The following STIM2 variants were observed in gnomAD, a reference collection of about 807,000 sequenced individuals.
STIM2 encodes stromal interaction molecule 2.
A neutral mutation model predicts 85.8 loss-of-function variants in STIM2; 31 were observed. The observed-to-expected ratio is 0.36, with a 90% CI of 0.27 to 0.49. The LOEUF is 0.49. STIM2 is among the 20% of genes least tolerant of loss of function. The pLI, the probability that STIM2 is intolerant of heterozygous loss-of-function variation, is 0.98. For synonymous variants in STIM2, 356 were observed against 331.1 expected, an observed-to-expected ratio of 1.08 and a Z score of -0.82; for missense variants, 841 against 927.6, an observed-to-expected ratio of 0.91 and a Z score of 1.21.
intron 1 of STIM2, among the ~76,000 whole-genome samples, chr4:26,888,419 T>C (rs979834957): frequency 6.6e-6 from 1 of 152,210 alleles, no homozygotes; most frequent in African/African-American, 2.4e-5. Flanking sequence ...TTAGCTATTA[T>C]TAATATATCT....
At chr4:27,000,722 A>G (rs1728122587) in intron 5 of STIM2, among the ~76,000 whole-genome samples, 1 of 152,186 alleles carries the variant, frequency 6.6e-6, no homozygotes, top group Admixed American at 6.6e-5. Flanking sequence ...TTGTCTTAGA[A>G]TGGTTGAGTG....
At chr4:26,897,969 G>A (rs958564718) in intron 1 of STIM2, among the ~76,000 whole-genome samples, 1 of 152,140 alleles carries the variant, frequency 6.6e-6, no homozygotes, top group African/African-American at 2.4e-5. Flanking sequence ...GTTTGCCTGT[G>A]TTGCCCAAGC....
chr4:26,964,086 T>C (rs1726614853), intron 3 of STIM2, among the ~76,000 whole-genome samples: 1 of 152,180 alleles, frequency 6.6e-6, no homozygotes, highest in Admixed American at 6.5e-5. Flanking sequence ...CAAACTCATA[T>C]TGCTGGAAGA....
chr4:27,014,875 T>A (rs1728683740), intron 10 of STIM2, among the ~76,000 whole-genome samples: 1 of 152,000 alleles, frequency 6.6e-6, no homozygotes, highest in Non-Finnish European at 1.5e-5. Flanking sequence ...GTATAATACC[T>A]TCTTTACAGA....
chr4:26,969,999 TAA>T (rs78790369), intron 3 of STIM2, among the ~76,000 whole-genome samples: 42,643 of 151,570 alleles, frequency 0.28, 6,151 homozygotes, highest in East Asian at 0.39. Context: ...GCAGTTTGTC[TAA>T]GTCTTTTTTA....
At position 27,002,910 on chromosome 4, in the gene STIM2, T is replaced by C. The variant is rs1728208020; in HGVS notation, c.804-17T>C. The C allele has an allele frequency of 1.3e-6, 2 of 1,483,154 alleles. No individual in the cohort carries two copies. The highest frequency in any genetic ancestry group is 5.4e-5 in the Admixed American group (2 of 37,092). The allele number at this position is 1,483,154 out of a possible 1,614,324, so 91.9% of individuals were successfully genotyped here. ...GGAAATTTTTGTGAGGAATTTTTAT[T>C]TTTATTGTTCTATAAGGCTTGAAAA... On this transcript the variant is annotated splice_polypyrimidine_tract_variant and intron_variant, in intron 6 of 11. Transcript: ENST00000467087.
At chr4:26,972,445 C>A (rs944265307) in intron 3 of STIM2, among the ~76,000 whole-genome samples, 11 of 152,156 alleles carry the variant, frequency 7.2e-5, no homozygotes, top group African/African-American at 2.7e-4. Flanking sequence ...GAGTTTTTGG[C>A]ATGAAGGGCT....
chr4:26,918,569 A>G (rs1429682915), intron 1 of STIM2, among the ~76,000 whole-genome samples: 1 of 152,148 alleles, frequency 6.6e-6, no homozygotes. Context: ...TGTGGTTCTG[A>G]TGGCATTTTA....
intron 7 of STIM2, among the ~76,000 whole-genome samples, chr4:27,006,870 T>G (rs1560237939): frequency 6.6e-6 from 1 of 152,204 alleles, no homozygotes; most frequent in Non-Finnish European, 1.5e-5. Flanking sequence ...TTAGCTAGTT[T>G]CTGGTGTATT....
intron 10 of STIM2, among the ~76,000 whole-genome samples, chr4:27,010,577 A>G (rs545580829): frequency 6.6e-6 from 1 of 152,324 alleles, no homozygotes; most frequent in African/African-American, 2.4e-5. Flanking sequence ...CTTAGTTACA[A>G]AAGCCTAATT....
chr4:27,018,468 G>T (rs934821905), intron 11 of STIM2, among the ~76,000 whole-genome samples: 1 of 152,082 alleles, frequency 6.6e-6, no homozygotes, highest in African/African-American at 2.4e-5. Context: ...TCCAACTTCC[G>T]TCTCTCTGAT....
At chr4:26,881,153 A>G (rs1236117619) in intron 1 of STIM2, among the ~76,000 whole-genome samples, 1 of 152,148 alleles carries the variant, frequency 6.6e-6, no homozygotes, top group Non-Finnish European at 1.5e-5. Context: ...TATGAATGGG[A>G]TTAGTGCCCT....
intron 3 of STIM2, among the ~76,000 whole-genome samples, chr4:26,980,428 A>C (rs550894355): frequency 6.6e-6 from 1 of 152,218 alleles, no homozygotes; most frequent in South Asian, 2.1e-4. Context: ...GAGTAAGTAG[A>C]ATACTTTCTT....
At chr4:26,875,788 T>C (rs1175768733) in intron 1 of STIM2, among the ~76,000 whole-genome samples, 1 of 152,156 alleles carries the variant, frequency 6.6e-6, no homozygotes, top group Non-Finnish European at 1.5e-5. Flanking sequence ...AACAGACCTT[T>C]GGGAAAAATA....
intron 2 of STIM2, among the ~76,000 whole-genome samples, chr4:26,944,229 T>C (rs1013729980): frequency 6.6e-6 from 1 of 152,204 alleles, no homozygotes; most frequent in Non-Finnish European, 1.5e-5. Flanking sequence ...TACCGTATTT[T>C]CTCCATCCCT....
intron 7 of STIM2, among the ~76,000 whole-genome samples, chr4:27,006,355 A>G (rs1428233982): frequency 6.6e-6 from 1 of 152,174 alleles, no homozygotes; most frequent in African/African-American, 2.4e-5. Flanking sequence ...CTGGCACACT[A>G]TAAAGTTTAT....
At chr4:26,985,766 G>T (rs1727560287) in intron 3 of STIM2, among the ~76,000 whole-genome samples, 2 of 152,082 alleles carry the variant, frequency 1.3e-5, no homozygotes, top group Admixed American at 1.3e-4. Flanking sequence ...TTTTCCCAAA[G>T]AAACTTTTAT....
intron 11 of STIM2, among the ~76,000 whole-genome samples, chr4:27,020,815 T>C (rs1355317161): frequency 2.0e-5 from 3 of 152,202 alleles, no homozygotes; most frequent in Non-Finnish European, 4.4e-5. Context: ...GCCTATAACA[T>C]GAGCTGCCAA....
intron 2 of STIM2, among the ~76,000 whole-genome samples, chr4:26,922,716 A>C (rs539965894): frequency 6.6e-6 from 1 of 152,182 alleles, no homozygotes; most frequent in African/African-American, 2.4e-5. Context: ...GTGGGACTTA[A>C]AGTTACAACC....
Sources: allele counts gnomAD v4.1 joint callset (sites outside exome capture counted in the v4.1 genomes callset), GRCh38; gene constraint gnomAD v4.1.1; transcripts MANE v1.5; gene names NCBI Gene and HGNC (gene_info 2026-07-23, HGNC 2026-07-21).